The following NDST3 variants were observed in gnomAD, a reference collection of about 807,000 sequenced individuals.
NDST3 encodes N-deacetylase and N-sulfotransferase 3.
Under a neutral mutation model 96.1 loss-of-function variants are expected in NDST3, and 58 were observed. The observed-to-expected ratio is 0.60, with a 90% CI of 0.49 to 0.75. NDST3 has a LOEUF of 0.75. Ranked by LOEUF, NDST3 falls within the 30% of genes least tolerant of loss-of-function variation. NDST3 has a pLI of 0.00. For missense variants in NDST3, 788 were observed against 1,034.2 expected (o/e 0.76, Z 3.27); for synonymous variants, 333 against 359.7 (o/e 0.93, Z 0.84).
At chr4:118,177,380 A>C (rs1405638976) in intron 6 of NDST3, among the ~76,000 whole-genome samples, 1 of 152,054 alleles carries the variant, frequency 6.6e-6, no homozygotes, top group Non-Finnish European at 1.5e-5. Flanking sequence ...TTAATCACCA[A>C]ATCAAATGCA....
chr4:118,233,625 T>C (rs536538488), intron 9 of NDST3, among the ~76,000 whole-genome samples: 2 of 152,236 alleles, frequency 1.3e-5, no homozygotes, highest in Admixed American at 1.3e-4. Flanking sequence ...CTATCAACAA[T>C]ACACAGAATT....
chr4:118,045,060 C>G (rs546755452), intron 1 of NDST3, among the ~76,000 whole-genome samples: 1 of 152,258 alleles, frequency 6.6e-6, no homozygotes, highest in Admixed American at 6.5e-5. Flanking sequence ...CCTCTGTACT[C>G]TCAAGTCTTA....
rs1401384264 is a variant in NDST3, at chr4:118,251,138, T to C, written c.2400-2361T>C. 1.8e-4 allele frequency among the ~76,000 whole-genome samples: 26 copies of C among 144,004 alleles called. No homozygotes were observed. In the South Asian group the frequency reaches 5.2e-3, roughly 29 times the overall value. 94.5% of individuals were successfully genotyped at this position (144,004 alleles called of 152,430 possible). A position where few individuals can be genotyped will look rare whatever the true frequency, so the allele number is the denominator to read the frequency against. On this transcript the variant is annotated intron_variant, in intron 12 of 13. Coordinates refer to ENST00000296499, the MANE Select transcript of NDST3 (RefSeq NM_004784.3). Reference sequence around the variant, plus strand: ...TTTATTATTTTTATTTTATTTTTTTTTTTTTTGAGACGGAGTCTTGCTCTG... The same window carrying C: ...TTTATTATTTTTATTTTATTTTTTTCTTTTTTGAGACGGAGTCTTGCTCTG...
chr4:118,220,666 T>C (rs1284115664), intron 6 of NDST3, among the ~76,000 whole-genome samples: 1 of 151,982 alleles, frequency 6.6e-6, no homozygotes, highest in African/African-American at 2.4e-5. Context: ...CAAATTCACA[T>C]GTCTGTATGA....
At chr4:118,072,516 T>A (rs1433801178) in intron 2 of NDST3, among the ~76,000 whole-genome samples, 3 of 152,134 alleles carry the variant, frequency 2.0e-5, no homozygotes, top group African/African-American at 7.2e-5. Flanking sequence ...TGTTCTTGAT[T>A]TGGCACTCAG....
intron 2 of NDST3, among the ~76,000 whole-genome samples, chr4:118,057,595 A>G (rs537709369): frequency 6.6e-6 from 1 of 152,218 alleles, no homozygotes; most frequent in South Asian, 2.1e-4. Flanking sequence ...CTGAGATGCT[A>G]TAGCTTCAGA....
chr4:118,237,569 T>C (rs949041438), intron 10 of NDST3, among the ~76,000 whole-genome samples: 3 of 152,220 alleles, frequency 2.0e-5, no homozygotes, highest in Admixed American at 6.5e-5. Flanking sequence ...CATCTAATAC[T>C]TGTGTACTCT....
In NDST3 at chr4:118,183,631, T is replaced by C. The variant is rs149222651; in HGVS notation, c.1539+39947T>C. Among the ~76,000 whole-genome samples the C allele has an allele frequency of 4.8e-3, 727 of 152,318 alleles. 5 individuals carry two copies. The highest frequency in any genetic ancestry group is 0.017 in the Middle Eastern group (5 of 294). On this transcript the variant is annotated intron_variant, in intron 6 of 13. Transcript: ENST00000296499. ...AGACAAACACTAATCAAATTCTCCATTACACAACAATCTTCAAGTGGATGA... is the reference window on the plus strand; with the variant it reads ...AGACAAACACTAATCAAATTCTCCACTACACAACAATCTTCAAGTGGATGA...
chr4:118,171,869 G>A (rs1683647870), intron 6 of NDST3, among the ~76,000 whole-genome samples: 1 of 152,130 alleles, frequency 6.6e-6, no homozygotes, highest in South Asian at 2.1e-4. Flanking sequence ...AATGTAGCGT[G>A]TCAGGAGCTC....
rs112225310 is a variant in NDST3 at position 118,038,021 on chromosome 4, C to A, written c.-156+3429C>A. Among the ~76,000 whole-genome samples the A allele has an allele frequency of 4.1e-3, 618 of 152,280 alleles. 4 individuals are homozygous for A. Among genetic ancestry groups the A allele is most frequent in the African/African-American group, 8.2e-3 (340 of 41,546 alleles). On this transcript the variant is annotated intron_variant, in intron 1 of 13. Transcript: ENST00000296499. ...AACCTGCCCTAAAACATAGCCAACA[C>A]TGATCTGTAACTTTACATCTAATGG...
intron 12 of NDST3, among the ~76,000 whole-genome samples, chr4:118,242,571 G>A (rs754315266): frequency 1.3e-5 from 2 of 152,148 alleles, no homozygotes; most frequent in East Asian, 1.9e-4. Context: ...ATGTCATACA[G>A]CAAGAAATAG....
At chr4:118,239,448 G>A (rs17049694) in intron 10 of NDST3, among the ~76,000 whole-genome samples, 4,324 of 152,164 alleles carry the variant, frequency 0.028, 73 homozygotes, top group African/African-American at 0.048. Flanking sequence ...AATCATTCAC[G>A]CCAAACCTGA....
At chr4:118,188,858 G>A (rs1371239005) in intron 6 of NDST3, among the ~76,000 whole-genome samples, 1 of 151,996 alleles carries the variant, frequency 6.6e-6, no homozygotes, top group Non-Finnish European at 1.5e-5. Context: ...AACTGCATCA[G>A]AATTAAGCAA....
intron 4 of NDST3, among the ~76,000 whole-genome samples, chr4:118,115,340 C>A (rs937523534): frequency 8.5e-5 from 13 of 152,138 alleles, no homozygotes; most frequent in African/African-American, 3.1e-4. Context: ...AACCTTACAG[C>A]CACAAAACCC....
At chr4:118,097,529 A>T (rs1729414422) in intron 2 of NDST3, among the ~76,000 whole-genome samples, 1 of 151,990 alleles carries the variant, frequency 6.6e-6, no homozygotes. Flanking sequence ...AAAATCACCC[A>T]GGGTATGTTG....
chr4:118,251,272 G>A (rs962835700), intron 12 of NDST3, among the ~76,000 whole-genome samples: 22 of 150,534 alleles, frequency 1.5e-4, no homozygotes, highest in African/African-American at 4.9e-4. Context: ...GACTACAGGC[G>A]CCTGCCACCA....
At chr4:118,111,025 T>G (rs1162125340) in intron 3 of NDST3, among the ~76,000 whole-genome samples, 1 of 152,172 alleles carries the variant, frequency 6.6e-6, no homozygotes, top group East Asian at 1.9e-4. Flanking sequence ...GCAACATGGA[T>G]GCAGCTGGAG....
chr4:118,136,459 G>A (rs1415087717), intron 4 of NDST3, among the ~76,000 whole-genome samples: 1 of 151,936 alleles, frequency 6.6e-6, no homozygotes, highest in Non-Finnish European at 1.5e-5. Context: ...GATGTCTAGT[G>A]GGAAAAAATT....
At chr4:118,163,838 C>G (rs893055422) in intron 6 of NDST3, among the ~76,000 whole-genome samples, 1 of 151,840 alleles carries the variant, frequency 6.6e-6, no homozygotes, top group African/African-American at 2.4e-5. Flanking sequence ...ACTAAAAAGT[C>G]AAAAAATAAC....
Sources: allele counts gnomAD v4.1 joint callset (sites outside exome capture counted in the v4.1 genomes callset), GRCh38; gene constraint gnomAD v4.1.1; transcripts MANE v1.5; gene names NCBI Gene and HGNC (gene_info 2026-07-23, HGNC 2026-07-21).